WFDC1: variants seen among roughly 807,000 people sequenced by gnomAD.
WFDC1 encodes the protein WAP four-disulfide core domain 1.
WFDC1 carries 39 observed loss-of-function variants against 32.9 expected under a neutral mutation model. That is an observed-to-expected ratio of 1.19 (90% CI 0.92 to 1.55). The LOEUF (loss-of-function observed/expected upper bound fraction) is 1.55. Ranked by LOEUF, WFDC1 falls within the 40% of genes most tolerant of loss-of-function variation. The pLI is 0.00. For missense variants in WFDC1, 386 were observed against 309.5 expected (o/e 1.25, Z -1.85); for synonymous variants, 184 against 137.4 (o/e 1.34, Z -2.37).
chr16:84,308,470 A>G (rs1907401773), intron 1 of WFDC1, among the ~76,000 whole-genome samples: 1 of 152,188 alleles, frequency 6.6e-6, no homozygotes, highest in African/African-American at 2.4e-5. Flanking sequence ...CATACTAGAA[A>G]CATCCCGACG....
intron 6 of WFDC1, chr16:84,328,592 A>C (rs1908739223): frequency 6.6e-6 from 1 of 152,316 alleles, no homozygotes; most frequent in African/African-American, 2.4e-5. Context: ...AACAGGGAAG[A>C]AGGAGGCCAG....
chr16:84,309,501 T>C lies in WFDC1; in HGVS notation c.145-3460T>C, dbSNP rs568020151. 3.9e-5 allele frequency among the ~76,000 whole-genome samples: 6 copies of C among 151,902 alleles called. No homozygotes were observed. The East Asian group carries it at 1.2e-3, about 30-fold the overall frequency. Reference sequence around the variant, plus strand: ...GGAGGCACTGATGGGGACTTGGGCCTGGGGTGGGGTTCATTTATAGAATGT... The same window carrying C: ...GGAGGCACTGATGGGGACTTGGGCCCGGGGTGGGGTTCATTTATAGAATGT... On this transcript the variant is annotated intron_variant, in intron 1 of 6. Transcript: ENST00000219454.
At chr16:84,310,065 C>T (rs1202729314) in intron 1 of WFDC1, among the ~76,000 whole-genome samples, 1 of 152,032 alleles carries the variant, frequency 6.6e-6, no homozygotes, top group Non-Finnish European at 1.5e-5. Context: ...GACCTTTATT[C>T]AGCCAACTGT....
intron 6 of WFDC1, chr16:84,327,351 A>T (rs117351282): frequency 0.043 from 7,170 of 164,908 alleles, 238 homozygotes; most frequent in Non-Finnish European, 0.066. Flanking sequence ...ACACCACCTC[A>T]CCTGGCTAAT....
chr16:84,321,801 G>C (rs779895477), intron 4 of WFDC1, among the ~76,000 whole-genome samples: 1 of 152,216 alleles, frequency 6.6e-6, no homozygotes, highest in Non-Finnish European at 1.5e-5. Flanking sequence ...ATAGGTTTCA[G>C]AGTGCAGGCT....
At chr16:84,308,517 C>G (rs1405544050) in intron 1 of WFDC1, among the ~76,000 whole-genome samples, 1 of 152,224 alleles carries the variant, frequency 6.6e-6, no homozygotes, top group Non-Finnish European at 1.5e-5. Context: ...GCTGTTTAAG[C>G]TGAGGACTAA....
intron 4 of WFDC1, among the ~76,000 whole-genome samples, chr16:84,324,017 G>A (rs1446201393): frequency 6.6e-6 from 1 of 152,218 alleles, no homozygotes; most frequent in Non-Finnish European, 1.5e-5. Context: ...CTACTCGGGA[G>A]GCTGAGGCAG....
intron 4 of WFDC1, among the ~76,000 whole-genome samples, chr16:84,322,861 C>T (rs1379053658): frequency 6.6e-6 from 1 of 152,202 alleles, no homozygotes; most frequent in Non-Finnish European, 1.5e-5. Flanking sequence ...GGGCTGGCCC[C>T]TCCTTGTCCT....
intron 4 of WFDC1, among the ~76,000 whole-genome samples, chr16:84,320,007 A>G (rs1230814382): frequency 6.6e-6 from 1 of 152,136 alleles, no homozygotes; most frequent in South Asian, 2.1e-4. Context: ...GTATGTGTAG[A>G]TGGACCCCGA....
intron 6 of WFDC1, chr16:84,327,598 T>G (rs1190174154): frequency 6.6e-6 from 1 of 152,266 alleles, no homozygotes; most frequent in Non-Finnish European, 1.5e-5. Flanking sequence ...CTATCCATGA[T>G]GTTAAATGAG....
intron 2 of WFDC1, chr16:84,316,268 G>A (rs998375170): frequency 4.6e-5 from 7 of 152,268 alleles, no homozygotes; most frequent in South Asian, 2.1e-4. Context: ...TATAATCAGC[G>A]AGTGCTCCTT....
chr16:84,313,280 T>G (rs1224236919), intron 2 of WFDC1, 127 bp downstream of exon 2: 2 of 830,204 alleles, frequency 2.4e-6, no homozygotes. Flanking sequence ...GCGCCTCCAC[T>G]GCGCACCTGT....
rs57330047 is a variant in WFDC1, at chr16:84,324,533, A to G, written c.604+73A>G. 300 of 1,538,078 alleles carry G rather than the reference A, an allele frequency of 2.0e-4. No individual in the cohort carries two copies. The East Asian group carries it at 2.6e-3, about 13-fold the overall frequency. On this transcript the variant is annotated intron_variant, in intron 5 of 6. Transcript: ENST00000219454. ...CAGTGAAAGTTTCTTATGTGAAGAAAAAAATAAAAGCCCAGGGCTGAGATA... is the reference window on the plus strand; with the variant it reads ...CAGTGAAAGTTTCTTATGTGAAGAAGAAAATAAAAGCCCAGGGCTGAGATA...
At position 84,324,345 on chromosome 16, in the gene WFDC1, T is replaced by G. The variant is rs1364256729; in HGVS notation, c.563-74T>G. 4 of 1,355,178 alleles carry G rather than the reference T, an allele frequency of 3.0e-6. No homozygotes were observed. In the African/African-American group the frequency reaches 4.3e-5, roughly 15 times the overall value. 83.9% of individuals were successfully genotyped at this position (1,355,178 alleles called of 1,614,324 possible). On this transcript the variant is annotated intron_variant, in intron 4 of 6. Transcript: ENST00000219454. ...GAGACTGAAAAACACAAGTAATTCC[T>G]CAGTGTTATTATGACAACAGTTTTG...
At chr16:84,301,307 T>C (rs529600100) in intron 1 of WFDC1, among the ~76,000 whole-genome samples, 78 of 152,344 alleles carry the variant, frequency 5.1e-4, no homozygotes, top group African/African-American at 1.9e-3. Flanking sequence ...TACAGTCTGC[T>C]CTGGGCATCA....
intron 1 of WFDC1, among the ~76,000 whole-genome samples, chr16:84,307,074 G>A (rs962164033): frequency 6.6e-6 from 1 of 152,156 alleles, no homozygotes; most frequent in Non-Finnish European, 1.5e-5. Flanking sequence ...CCAGTGCAAA[G>A]GCCCAGAGGT....
intron 1 of WFDC1, among the ~76,000 whole-genome samples, chr16:84,306,044 A>AATAATAATAAT (rs1409274133): frequency 5.7e-5 from 8 of 139,222 alleles, no homozygotes; most frequent in African/African-American, 2.3e-4. Context: ...TAATAATAAT[A>AATAATAATAAT]ATAAAAGGAA....
chr16:84,303,767 T>C (rs1048860698), intron 1 of WFDC1, among the ~76,000 whole-genome samples: 1 of 152,196 alleles, frequency 6.6e-6, no homozygotes, highest in African/African-American at 2.4e-5. Flanking sequence ...AACTGCCTAG[T>C]TTTGGAACGT....
At chr16:84,310,904 T>G (rs747147479) in intron 1 of WFDC1, among the ~76,000 whole-genome samples, 1 of 152,184 alleles carries the variant, frequency 6.6e-6, no homozygotes, top group Non-Finnish European at 1.5e-5. Flanking sequence ...GGCCAGATTT[T>G]GAATATGTTG....
Sources: gnomAD v4.1 joint callset for allele counts (sites outside exome capture counted in the v4.1 genomes callset) on GRCh38, gnomAD v4.1.1 for gene constraint, MANE v1.5 for transcripts, NCBI Gene and HGNC (gene_info 2026-07-23, HGNC 2026-07-21) for gene names.